The following ATG16L1 variants were observed in gnomAD, a reference collection of about 807,000 sequenced individuals.
ATG16L1 encodes the protein autophagy-related protein 16-1.
Under a neutral mutation model 88.5 loss-of-function variants are expected in ATG16L1, and 37 were observed. The observed-to-expected ratio is 0.42, with a 90% CI of 0.32 to 0.55. The LOEUF (loss-of-function observed/expected upper bound fraction) is 0.55. Ranked by LOEUF, ATG16L1 falls within the 20% of genes least tolerant of loss-of-function variation. ATG16L1 has a pLI of 0.13. For missense variants in ATG16L1, 554 were observed against 752.8 expected, an observed-to-expected ratio of 0.74 and a Z score of 3.09; for synonymous variants, 301 against 281.0, an observed-to-expected ratio of 1.07 and a Z score of -0.71.
At chr2:233,276,538 A>G (rs1408754168) in intron 9 of ATG16L1, among the ~76,000 whole-genome samples, 2 of 152,236 alleles carry the variant, frequency 1.3e-5, no homozygotes, top group Non-Finnish European at 2.9e-5. Context: ...ACAGTAGCAC[A>G]ATCTCAGCTC....
At chr2:233,280,783 C>G (rs1299461911) in intron 10 of ATG16L1, among the ~76,000 whole-genome samples, 2 of 152,142 alleles carry the variant, frequency 1.3e-5, no homozygotes, top group Non-Finnish European at 2.9e-5. Context: ...AACCCAGTCT[C>G]TAGTTTGATT....
intron 12 of ATG16L1, among the ~76,000 whole-genome samples, chr2:233,289,545 C>T (rs1699319553): frequency 6.6e-6 from 1 of 152,090 alleles, no homozygotes; most frequent in South Asian, 2.1e-4. Flanking sequence ...GCCACCACTC[C>T]CTGCAAATTT....
chr2:233,270,537 C>T (rs1216529503), intron 6 of ATG16L1, among the ~76,000 whole-genome samples: 1 of 152,152 alleles, frequency 6.6e-6, no homozygotes, highest in Non-Finnish European at 1.5e-5. Flanking sequence ...ACTCAGTACC[C>T]GTTACTGCCT....
At chr2:233,257,469 AT>A (rs1409665441) in intron 2 of ATG16L1, among the ~76,000 whole-genome samples, 2 of 152,204 alleles carry the variant, frequency 1.3e-5, no homozygotes, top group Non-Finnish European at 2.9e-5. Context: ...TCAACAACTT[AT>A]TATAAAATAG....
At chr2:233,292,946 G>A (rs1699563761) in intron 16 of ATG16L1, among the ~76,000 whole-genome samples, 2 of 152,214 alleles carry the variant, frequency 1.3e-5, no homozygotes, top group African/African-American at 4.8e-5. Flanking sequence ...TCCATGGGCT[G>A]AAACCCTTAG....
At position 233,289,408 on chromosome 2, in the gene ATG16L1, T is replaced by TGTGTGTGTGTGTGTGTGTGAGAGA. The variant is rs144316394; in HGVS notation, c.1204-445_1204-444insTGTGTGTGTGTGTGTGTGAGAGAG. Among the ~76,000 whole-genome samples, 666 of 149,602 alleles carry TGTGTGTGTGTGTGTGTGTGAGAGA rather than the reference T, an allele frequency of 4.5e-3. 10 individuals carry two copies. The highest frequency in any genetic ancestry group is 0.015 in the African/African-American group (614 of 40,202). The stretch of plus-strand genomic sequence containing the variant: ...GTGTGTGTGTGTGTGTGTGTGTGTG[T>TGTGTGTGTGTGTGTGTGTGAGAGA]GACAGGATCTTGCTATCACTCAGGT... On this transcript the variant is annotated intron_variant, in intron 12 of 17. Transcript: ENST00000392017.
intron 12 of ATG16L1, among the ~76,000 whole-genome samples, chr2:233,285,840 C>G (rs1046156208): frequency 6.6e-6 from 1 of 152,110 alleles, no homozygotes; most frequent in Non-Finnish European, 1.5e-5. Context: ...TTTGCTCTTA[C>G]GACAAGGGAA....
At chr2:233,279,326 G>A (rs1224877020) in intron 10 of ATG16L1, among the ~76,000 whole-genome samples, 1 of 150,930 alleles carries the variant, frequency 6.6e-6, no homozygotes, top group Non-Finnish European at 1.5e-5. Flanking sequence ...AAGAAAATTA[G>A]AGGTACCAAC....
chr2:233,287,464 T>C (rs1409462435), intron 12 of ATG16L1, among the ~76,000 whole-genome samples: 3 of 152,240 alleles, frequency 2.0e-5, no homozygotes, highest in Admixed American at 2.0e-4. Flanking sequence ...ATATCCCACT[T>C]ATGAACAATG....
At chr2:233,255,062 C>T (rs1696680204) in intron 1 of ATG16L1, among the ~76,000 whole-genome samples, 1 of 152,132 alleles carries the variant, frequency 6.6e-6, no homozygotes, top group African/African-American at 2.4e-5. Flanking sequence ...CAACCTCTGC[C>T]TCCCGAGTTC....
At chr2:233,269,084 A>C (rs1389144177) in intron 5 of ATG16L1, among the ~76,000 whole-genome samples, 1 of 152,212 alleles carries the variant, frequency 6.6e-6, no homozygotes, top group Non-Finnish European at 1.5e-5. Flanking sequence ...GATTCTGAGA[A>C]GGGGAGTTAG....
At chr2:233,267,075 TGTG>T (rs1363258610) in intron 5 of ATG16L1, among the ~76,000 whole-genome samples, 3 of 152,102 alleles carry the variant, frequency 2.0e-5, no homozygotes, top group Non-Finnish European at 2.9e-5. Context: ...ATTGGCCTGG[TGTG>T]GTGGCGCACA....
At position 233,251,682 on chromosome 2, in the gene ATG16L1, C is replaced by A; in HGVS notation, c.-146C>A. On this transcript the variant is annotated 5_prime_UTR_variant, in exon 1 of 18. Coordinates refer to ENST00000392017, the MANE Select transcript of ATG16L1 (RefSeq NM_030803.7). Reference sequence around the variant, plus strand: ...TCCGGCATGAGCCGGAAGACCGTCCCGGATGGCCTCGGGGACTGCCAGTGT... The same window carrying A: ...TCCGGCATGAGCCGGAAGACCGTCCAGGATGGCCTCGGGGACTGCCAGTGT... 1.5e-6 allele frequency: 1 copy of A among 684,846 alleles called. No homozygotes were observed. Among genetic ancestry groups the A allele is most frequent in the Non-Finnish European group, 2.5e-6 (1 of 400,178 alleles). The allele number at this position is 684,846 out of a possible 1,614,324, so 42.4% of individuals were successfully genotyped here.
chr2:233,283,947 C>A (rs1031725783), intron 12 of ATG16L1, among the ~76,000 whole-genome samples: 6 of 151,420 alleles, frequency 4.0e-5, no homozygotes, highest in African/African-American at 1.5e-4. Flanking sequence ...TGGGTTCAAG[C>A]AATTCTCCTG....
At position 233,251,904 on chromosome 2, in the gene ATG16L1, G is replaced by A. The variant is rs576750644; in HGVS notation, c.77G>A (p.Arg26Gln). ...TCGGAGCAACTGAGGCGCCGGGACCGGCTGCAGAGACAGGCGTTCGAGGAG... is the reference window on the plus strand; with the variant it reads ...TCGGAGCAACTGAGGCGCCGGGACCAGCTGCAGAGACAGGCGTTCGAGGAG... ...HISEQLRRRD[R>Q]LQRQAFEEII... The change falls in exon 1 of 18, where the codon CGG (arginine) becomes CAG (glutamine). Residue 26 changes from arginine (R) to glutamine (Q), a missense_variant. Physicochemically the swap from Arg to Gln is conservative, Grantham distance 43. Coordinates refer to ENST00000392017, the MANE Select transcript of ATG16L1 (RefSeq NM_030803.7). The A allele has an allele frequency of 1.2e-4, 189 of 1,550,824 alleles. No individual in the cohort carries two copies. Among genetic ancestry groups the A allele is most frequent in the South Asian group, 4.8e-5 (4 of 84,074 alleles).
chr2:233,255,245 C>T (rs941075142), intron 1 of ATG16L1, among the ~76,000 whole-genome samples: 8 of 152,184 alleles, frequency 5.3e-5, no homozygotes, highest in African/African-American at 1.2e-4. Context: ...CGATTACAGG[C>T]GTGAGCCACA....
At chr2:233,280,379 C>A (rs80129898) in intron 10 of ATG16L1, among the ~76,000 whole-genome samples, 2,953 of 152,194 alleles carry the variant, frequency 0.019, 109 homozygotes, top group African/African-American at 0.068. Flanking sequence ...TTGGGATTGC[C>A]CGTTACTGAA....
Position 233,263,162 on chromosome 2 carries a change from A to C in ATG16L1, c.242A>C (p.Gln81Pro), listed in dbSNP as rs765873477. The C allele has an allele frequency of 1.1e-4, 177 of 1,614,144 alleles. No individual in the cohort carries two copies. Among genetic ancestry groups the C allele is most frequent in the Non-Finnish European group, 1.5e-4 (174 of 1,180,028 alleles). ...CATGATGGCACATGGAATGACAATC[A>C]GCTACAAGAAATGGCCCAACTGAGG... Reference protein sequence around the residue: ...PGHDGTWNDNQLQEMAQLRIK... With the variant: ...PGHDGTWNDNPLQEMAQLRIK... The change falls in exon 3 of 18, where the codon CAG becomes CCG. Residue 81 changes from glutamine to proline, a missense_variant. Gln to Pro is a moderately conservative substitution (Grantham distance 76). Coordinates refer to ENST00000392017, the MANE Select transcript of ATG16L1 (RefSeq NM_030803.7).
Position 233,290,229 on chromosome 2 carries a change from A to T in ATG16L1, c.1325-19A>T, listed in dbSNP as rs771260865. ...CGTTGGTGCCTCTGCTTGATTAATG[A>T]TGTTTGCATTTCTTTCAGGCATAAA... On this transcript the variant is annotated intron_variant, in intron 13 of 17. Coordinates refer to ENST00000392017, the MANE Select transcript of ATG16L1 (RefSeq NM_030803.7). The T allele has an allele frequency of 2.5e-6, 4 of 1,611,584 alleles. No homozygotes were observed. The highest frequency in any genetic ancestry group is 2.5e-6 in the Non-Finnish European group (3 of 1,177,832).
Sources: allele counts gnomAD v4.1 joint callset (sites outside exome capture counted in the v4.1 genomes callset), GRCh38; gene constraint gnomAD v4.1.1; transcripts MANE v1.5; gene names NCBI Gene and HGNC (gene_info 2026-07-23, HGNC 2026-07-21).